The following NRXN3 variants were observed in gnomAD, a reference collection of about 807,000 sequenced individuals.
NRXN3 encodes the protein neurexin III.
In NRXN3, 32 loss-of-function variants were observed where a neutral mutation model predicts 137.6. That is an observed-to-expected ratio of 0.23 (90% CI 0.18 to 0.31). The LOEUF (loss-of-function observed/expected upper bound fraction) is 0.31. Among genes scored for constraint, NRXN3 ranks in the 10% least tolerant of loss-of-function variants. NRXN3 has a pLI of 1.00. For synonymous variants in NRXN3, 798 were observed against 784.5 expected (o/e 1.02, Z -0.29); for missense variants, 1,574 against 2,062.5 (o/e 0.76, Z 4.59).
At chr14:79,237,286 T>C (rs2073547078) in intron 15 of NRXN3, among the ~76,000 whole-genome samples, 1 of 152,090 alleles carries the variant, frequency 6.6e-6, no homozygotes, top group South Asian at 2.1e-4. Flanking sequence ...TAAAGTATTG[T>C]AAGGACCTAA....
intron 19 of NRXN3, among the ~76,000 whole-genome samples, chr14:79,778,162 A>G (rs147263344): frequency 2.2e-3 from 330 of 152,308 alleles, no homozygotes; most frequent in African/African-American, 7.7e-3. Flanking sequence ...CACGCCTGTA[A>G]TCCCAACACT....
chr14:78,510,594 A>G (rs535438318), intron 4 of NRXN3, among the ~76,000 whole-genome samples: 1 of 152,358 alleles, frequency 6.6e-6, no homozygotes, highest in East Asian at 1.9e-4. Context: ...TAATCAAACT[A>G]TTTTGGAACT....
At chr14:78,694,714 C>T (rs1251414698) in intron 6 of NRXN3, among the ~76,000 whole-genome samples, 1 of 151,878 alleles carries the variant, frequency 6.6e-6, no homozygotes, top group Non-Finnish European at 1.5e-5. Context: ...ATGCTGGAGA[C>T]TGGATGCATC....
chr14:78,229,172 G>A (rs1159997276), intron 1 of NRXN3, among the ~76,000 whole-genome samples: 1 of 152,062 alleles, frequency 6.6e-6, no homozygotes, highest in Non-Finnish European at 1.5e-5. Context: ...ATAAAATCTT[G>A]ATGACTATTG....
intron 15 of NRXN3, among the ~76,000 whole-genome samples, chr14:79,066,308 G>T (rs9652300): frequency 0.043 from 6,603 of 152,052 alleles, 523 homozygotes; most frequent in African/African-American, 0.15. Context: ...TAGGTGTGCG[G>T]TCTTATGTCT....
chr14:78,482,454 A>C (rs2095489329), intron 4 of NRXN3, among the ~76,000 whole-genome samples: 1 of 152,196 alleles, frequency 6.6e-6, no homozygotes, highest in African/African-American at 2.4e-5. Flanking sequence ...GGAGACAATG[A>C]AATAGCTGGG....
chr14:78,683,158 GA>G (rs1190989554), intron 6 of NRXN3, among the ~76,000 whole-genome samples: 2 of 152,064 alleles, frequency 1.3e-5, no homozygotes, highest in African/African-American at 4.8e-5. Context: ...ATTATATGTT[GA>G]AATGATAAAA....
At chr14:78,591,103 C>T (rs1017789452) in intron 4 of NRXN3, among the ~76,000 whole-genome samples, 1 of 152,138 alleles carries the variant, frequency 6.6e-6, no homozygotes, top group African/African-American at 2.4e-5. Context: ...TGGAGATCTA[C>T]TTAACAGGAA....
chr14:78,224,609 C>G (rs926406000), intron 1 of NRXN3, among the ~76,000 whole-genome samples: 3 of 152,110 alleles, frequency 2.0e-5, no homozygotes, highest in African/African-American at 7.2e-5. Flanking sequence ...ATGAACTCAT[C>G]ATTTTTTATG....
At chr14:79,365,135 G>C (rs878868617) in intron 15 of NRXN3, among the ~76,000 whole-genome samples, 3 of 152,134 alleles carry the variant, frequency 2.0e-5, no homozygotes, top group Admixed American at 2.0e-4. Flanking sequence ...TGTTTAGTTT[G>C]TGGGTTCCTT....
In NRXN3 at chr14:78,180,279, C is replaced by T. The variant is rs1331011235; in HGVS notation, c.-704+9605C>T. ...GGTTTCACAAGAAAAGGAGTCCTAG[C>T]GGAGTTGAAAATATCTGAGGTTGGA... On this transcript the variant is annotated intron_variant, in intron 1 of 20. Transcript: ENST00000335750. Among the ~76,000 whole-genome samples, 4 of 151,840 alleles carry T rather than the reference C, an allele frequency of 2.6e-5. No individual in the cohort carries two copies. In the East Asian group the frequency reaches 5.8e-4, roughly 22 times the overall value.
intron 7 of NRXN3, chr14:78,710,011 A>C: frequency 4.3e-6 from 1 of 233,476 alleles, no homozygotes; most frequent in Non-Finnish European, 8.4e-6. Flanking sequence ...TTTCCTCATC[A>C]CCATGGAAAC....
intron 15 of NRXN3, among the ~76,000 whole-genome samples, chr14:79,003,903 C>T (rs570923650): frequency 2.3e-4 from 35 of 152,152 alleles, no homozygotes; most frequent in East Asian, 3.9e-4. Context: ...CTGTGAAACC[C>T]GTGAAGCTGA....
chr14:78,226,014 TGTG>T (rs2064605424), intron 1 of NRXN3, among the ~76,000 whole-genome samples: 1 of 150,170 alleles, frequency 6.7e-6, no homozygotes, highest in South Asian at 2.1e-4. Flanking sequence ...TGTGTGTGTG[TGTG>T]TTTTGAGATG....
intron 4 of NRXN3, among the ~76,000 whole-genome samples, chr14:78,459,458 C>T (rs1312242765): frequency 6.6e-6 from 1 of 152,176 alleles, no homozygotes. Flanking sequence ...TCTCGTCCTG[C>T]TCCAACCCAT....
intron 15 of NRXN3, among the ~76,000 whole-genome samples, chr14:79,260,053 C>G (rs1196122080): frequency 6.6e-6 from 1 of 152,182 alleles, no homozygotes; most frequent in East Asian, 1.9e-4. Context: ...TGATCCTGGT[C>G]ATATGTTTTC....
intron 4 of NRXN3, among the ~76,000 whole-genome samples, chr14:78,606,141 C>G (rs900715581): frequency 6.6e-5 from 10 of 152,260 alleles, no homozygotes; most frequent in African/African-American, 2.4e-4. Flanking sequence ...CTAGAAAAAT[C>G]AAAGACATCT....
At chr14:79,365,720 T>C (rs1368312018) in intron 15 of NRXN3, among the ~76,000 whole-genome samples, 9 of 51,032 alleles carry the variant, frequency 1.8e-4, no homozygotes, top group African/African-American at 4.4e-4. Flanking sequence ...AGCGAGACTC[T>C]GTCTCAAAAA....
chr14:79,522,853 T>G (rs906431325), intron 16 of NRXN3, among the ~76,000 whole-genome samples: 1 of 152,222 alleles, frequency 6.6e-6, no homozygotes, highest in Non-Finnish European at 1.5e-5. Flanking sequence ...AACTGCCATG[T>G]TAAATACCAC....
Sources: gnomAD v4.1 joint callset for allele counts (sites outside exome capture counted in the v4.1 genomes callset) on GRCh38, gnomAD v4.1.1 for gene constraint, MANE v1.5 for transcripts, NCBI Gene and HGNC (gene_info 2026-07-23, HGNC 2026-07-21) for gene names.